DNER: variants seen among roughly 807,000 people sequenced by gnomAD.
DNER encodes the protein delta/notch like EGF repeat containing.
In DNER, 33 loss-of-function variants were observed where a neutral mutation model predicts 78.2. The observed-to-expected ratio is 0.42, with a 90% CI of 0.32 to 0.56. DNER has a LOEUF of 0.56. DNER is among the 20% of genes least tolerant of loss of function. The pLI is 0.11. For synonymous variants in DNER, 417 were observed against 384.8 expected, an observed-to-expected ratio of 1.08 and a Z score of -0.98; for missense variants, 918 against 975.3, an observed-to-expected ratio of 0.94 and a Z score of 0.78.
chr2:229,519,587 T>C (rs1231808818), intron 5 of DNER, among the ~76,000 whole-genome samples: 1 of 151,992 alleles, frequency 6.6e-6, no homozygotes, highest in Non-Finnish European at 1.5e-5. Context: ...ATGTCAGGTG[T>C]CCCAGCTGGC....
At chr2:229,458,996 A>T (rs1694635029) in intron 7 of DNER, among the ~76,000 whole-genome samples, 1 of 152,062 alleles carries the variant, frequency 6.6e-6, no homozygotes, top group Non-Finnish European at 1.5e-5. Flanking sequence ...AAATTAAAAA[A>T]TGTTTTACTG....
intron 1 of DNER, among the ~76,000 whole-genome samples, chr2:229,632,296 A>G (rs1476758613): frequency 6.6e-6 from 1 of 152,202 alleles, no homozygotes; most frequent in Admixed American, 6.5e-5. Flanking sequence ...TTAACATATT[A>G]CAAAACATTG....
At chr2:229,590,788 T>A (rs888148348) in intron 2 of DNER, among the ~76,000 whole-genome samples, 1 of 152,218 alleles carries the variant, frequency 6.6e-6, no homozygotes, top group Non-Finnish European at 1.5e-5. Flanking sequence ...TGTGATATGA[T>A]TTGGATCTGT....
At chr2:229,623,901 A>G (rs1216081128) in intron 1 of DNER, among the ~76,000 whole-genome samples, 1 of 152,244 alleles carries the variant, frequency 6.6e-6, no homozygotes, top group Non-Finnish European at 1.5e-5. Flanking sequence ...TGCTTAAAGG[A>G]AAGTCCTAAA....
chr2:229,426,959 A>C (rs1033207431), intron 8 of DNER, among the ~76,000 whole-genome samples: 8 of 152,194 alleles, frequency 5.3e-5, no homozygotes, highest in African/African-American at 1.7e-4. Context: ...ATAGCTGCTG[A>C]TGTTTCTTAT....
intron 8 of DNER, among the ~76,000 whole-genome samples, chr2:229,431,297 T>C (rs1356885901): frequency 6.6e-6 from 1 of 152,184 alleles, no homozygotes; most frequent in Non-Finnish European, 1.5e-5. Context: ...TGAAGGACAC[T>C]GGAAGCCAGG....
chr2:229,596,478 C>T (rs1697717018), intron 1 of DNER, among the ~76,000 whole-genome samples: 2 of 152,234 alleles, frequency 1.3e-5, no homozygotes, highest in Non-Finnish European at 2.9e-5. Context: ...ACCCACTTCA[C>T]AGGTGGCTTT....
chr2:229,433,559 G>T (rs1694061965), intron 8 of DNER, among the ~76,000 whole-genome samples: 1 of 152,218 alleles, frequency 6.6e-6, no homozygotes, highest in Non-Finnish European at 1.5e-5. Context: ...GTATGACTAG[G>T]AGTCACACAT....
At chr2:229,467,175 G>A (rs1014065087) in intron 7 of DNER, among the ~76,000 whole-genome samples, 1 of 152,118 alleles carries the variant, frequency 6.6e-6, no homozygotes, top group Non-Finnish European at 1.5e-5. Flanking sequence ...AGAAAGTGAG[G>A]AAGGGACTCT....
At chr2:229,444,693 G>A (rs909517243) in intron 8 of DNER, among the ~76,000 whole-genome samples, 7 of 151,936 alleles carry the variant, frequency 4.6e-5, no homozygotes, top group African/African-American at 7.3e-5. Flanking sequence ...GTTCAAGACC[G>A]GCCTGGACAA....
chr2:229,567,412 A>G (rs1333893827), intron 4 of DNER, among the ~76,000 whole-genome samples: 1 of 152,244 alleles, frequency 6.6e-6, no homozygotes, highest in Non-Finnish European at 1.5e-5. Flanking sequence ...ATATGTGAAC[A>G]CACAAATACA....
intron 10 of DNER, among the ~76,000 whole-genome samples, chr2:229,405,280 G>A (rs1372785189): frequency 2.0e-5 from 3 of 152,164 alleles, no homozygotes; most frequent in Non-Finnish European, 4.4e-5. Flanking sequence ...GGAAATAAAT[G>A]CTCCTGTGCA....
chr2:229,444,993 G>A (rs141172316), intron 8 of DNER, among the ~76,000 whole-genome samples: 85 of 152,242 alleles, frequency 5.6e-4, no homozygotes, highest in Admixed American at 1.4e-3. Context: ...CAGAGAGAAC[G>A]GAACTCTCAG....
chr2:229,515,049 C>T (rs1306613979), intron 5 of DNER, among the ~76,000 whole-genome samples: 1 of 152,150 alleles, frequency 6.6e-6, no homozygotes, highest in Non-Finnish European at 1.5e-5. Flanking sequence ...TCTTCTTAAG[C>T]TGGAGCTATA....
At chr2:229,602,284 A>G (rs1298940668) in intron 1 of DNER, among the ~76,000 whole-genome samples, 1 of 152,188 alleles carries the variant, frequency 6.6e-6, no homozygotes, top group East Asian at 1.9e-4. Flanking sequence ...TAAATTTAAC[A>G]TCTAGGTAGA....
At chr2:229,594,952 T>TAAAAAAAAAAAAAAAAAAA (rs200824543) in intron 1 of DNER, among the ~76,000 whole-genome samples, 2 of 102,688 alleles carry the variant, frequency 1.9e-5, no homozygotes, top group African/African-American at 6.7e-5. Context: ...AAATGCTGTT[T>TAAAAAAAAAAAAAAAAAAA]AAAAAAAAAA....
At chr2:229,606,918 A>C (rs1697952602) in intron 1 of DNER, among the ~76,000 whole-genome samples, 1 of 152,162 alleles carries the variant, frequency 6.6e-6, no homozygotes, top group African/African-American at 2.4e-5. Flanking sequence ...ACCAACAACA[A>C]CAACAACAAA....
intron 1 of DNER, among the ~76,000 whole-genome samples, chr2:229,692,081 C>T (rs1187584750): frequency 6.6e-6 from 1 of 152,204 alleles, no homozygotes; most frequent in Non-Finnish European, 1.5e-5. Context: ...GTTGAGCTCC[C>T]AGACACTGCT....
At position 229,554,617 on chromosome 2, in the gene DNER, G is replaced by A. The variant is rs191242221; in HGVS notation, c.848-7525C>T. Among the ~76,000 whole-genome samples, 99 of 152,228 alleles carry A rather than the reference G, an allele frequency of 6.5e-4. 1 individual carries two copies. The South Asian group carries it at 8.1e-3, about 12-fold the overall frequency. ...AGAGGCAAAAGAATTGCTTGAACCC[G>A]GGAGGTGATTGCAGTGAGCTGAGAT... On this transcript the variant is annotated intron_variant, in intron 4 of 12. Coordinates refer to ENST00000341772, the MANE Select transcript of DNER (RefSeq NM_139072.4).
Sources: allele counts gnomAD v4.1 joint callset (sites outside exome capture counted in the v4.1 genomes callset), GRCh38; gene constraint gnomAD v4.1.1; transcripts MANE v1.5; gene names NCBI Gene and HGNC (gene_info 2026-07-23, HGNC 2026-07-21).